Variants in PSMG2 observed in about 807,000 individuals in gnomAD.
The protein encoded by PSMG2 is CD40 ligand-activated specific transcript 3.
A neutral mutation model predicts 31.5 loss-of-function variants in PSMG2; 21 were observed. That is an observed-to-expected ratio of 0.67 (90% CI 0.47 to 0.96). PSMG2 has a LOEUF of 0.96. Ranked by LOEUF, PSMG2 falls within the 40% of genes least tolerant of loss-of-function variation. The pLI is 0.00. For synonymous variants in PSMG2, 120 were observed against 110.4 expected (o/e 1.09, Z -0.54); for missense variants, 318 against 321.2 (o/e 0.99, Z 0.08).
chr18:12,700,830 C>A, upstream of PSMG2: 1 of 641,028 alleles, frequency 1.6e-6, no homozygotes, highest in Non-Finnish European at 2.6e-6. Context: ...AACAAGGACA[C>A]TAGTAAACAG....
At chr18:12,716,101 G>A (rs2040373846) in intron 3 of PSMG2, among the ~76,000 whole-genome samples, 1 of 152,128 alleles carries the variant, frequency 6.6e-6, no homozygotes, top group African/African-American at 2.4e-5. Flanking sequence ...TTTCTCTGTG[G>A]TGTTAAGTTG....
chr18:12,693,454 A>G (rs1008150642), intron 1 of PSMG2, among the ~76,000 whole-genome samples: 1 of 152,030 alleles, frequency 6.6e-6, no homozygotes, highest in Admixed American at 6.6e-5. Context: ...AAAACAAGCT[A>G]CTACCCCAAA....
upstream of PSMG2, chr18:12,698,803 A>C (rs1281129798): frequency 1.7e-6 from 1 of 591,496 alleles, no homozygotes; most frequent in Non-Finnish European, 3.0e-6. Flanking sequence ...AATGAATAGC[A>C]AACAGAATAT....
intron 1 of PSMG2, among the ~76,000 whole-genome samples, chr18:12,681,655 A>G (rs2039353648): frequency 6.6e-6 from 1 of 152,208 alleles, no homozygotes; most frequent in African/African-American, 2.4e-5. Context: ...AATGACTGAT[A>G]GTATCTATAT....
intron 4 of PSMG2, among the ~76,000 whole-genome samples, chr18:12,719,383 G>A (rs953687417): frequency 6.6e-6 from 1 of 152,108 alleles, no homozygotes; most frequent in Non-Finnish European, 1.5e-5. Flanking sequence ...ACTCTAAGAT[G>A]TAGCTTTTAT....
chr18:12,674,865 T>C lies in PSMG2; in HGVS notation c.-37+16092T>C, dbSNP rs1172582618. 4 of 566,048 alleles carry C rather than the reference T, an allele frequency of 7.1e-6. No homozygotes were observed. The East Asian group carries it at 9.1e-5, about 13-fold the overall frequency. The allele number at this position is 566,048 out of a possible 1,614,324, so 35.1% of individuals were successfully genotyped here. A position where few individuals can be genotyped will look rare whatever the true frequency, so the allele number is the denominator to read the frequency against. On this transcript the variant is annotated intron_variant, in intron 1 of 6. Transcript: ENST00000585331. ...ATACCAAGAAAAGATTTTTAAAAGC[T>C]ATCATAATATTTTAATAATAATAAT...
chr18:12,662,072 G>T, intron 1 of PSMG2: 1 of 388,564 alleles, frequency 2.6e-6, no homozygotes. Context: ...TGGAGGTACT[G>T]GCTGTGCTGC....
At chr18:12,705,040 G>GT (rs1168287361) in intron 1 of PSMG2, among the ~76,000 whole-genome samples, 3 of 151,920 alleles carry the variant, frequency 2.0e-5, no homozygotes, top group African/African-American at 7.3e-5. Flanking sequence ...ATGGGAAGAA[G>GT]TTTAGGTAGA....
intron 1 of PSMG2, among the ~76,000 whole-genome samples, chr18:12,669,502 G>A (rs2038885914): frequency 6.6e-6 from 1 of 151,924 alleles, no homozygotes; most frequent in South Asian, 2.1e-4. Context: ...CTTGACTAAT[G>A]AAAAATGAAG....
At chr18:12,677,453 C>A (rs2039179993) in intron 1 of PSMG2, among the ~76,000 whole-genome samples, 2 of 90,068 alleles carry the variant, frequency 2.2e-5, no homozygotes, top group South Asian at 4.2e-4. Flanking sequence ...CGAGAGATTC[C>A]ATCTCAAAAA....
chr18:12,723,793 C>G (rs773164223), intron 5 of PSMG2, among the ~76,000 whole-genome samples: 3 of 152,196 alleles, frequency 2.0e-5, no homozygotes, highest in Admixed American at 2.0e-4. Flanking sequence ...TCCACTACCT[C>G]CTTTCAGCCT....
chr18:12,678,691 G>A (rs757758774), intron 1 of PSMG2, among the ~76,000 whole-genome samples: 2 of 151,952 alleles, frequency 1.3e-5, no homozygotes, highest in Non-Finnish European at 2.9e-5. Context: ...ATCAAAGGCC[G>A]GATGCGGTAG....
intron 5 of PSMG2, among the ~76,000 whole-genome samples, chr18:12,723,735 A>G (rs539563800): frequency 1.4e-4 from 21 of 152,316 alleles, no homozygotes; most frequent in Non-Finnish European, 2.6e-4. Context: ...AAAGTAGCTA[A>G]TACTTCTTTC....
chr18:12,694,310 A>C (rs902543464), intron 1 of PSMG2, among the ~76,000 whole-genome samples: 4 of 152,214 alleles, frequency 2.6e-5, no homozygotes, highest in Non-Finnish European at 4.4e-5. Flanking sequence ...AAAAGGAACA[A>C]TATGACAGGC....
intron 5 of PSMG2, among the ~76,000 whole-genome samples, chr18:12,723,005 G>T (rs1229896569): frequency 2.0e-5 from 3 of 152,230 alleles, no homozygotes; most frequent in Admixed American, 6.5e-5. Context: ...AAGATTGAGA[G>T]CCCCTAAGGT....
rs2039549654 is a variant in PSMG2 at position 12,686,661 on chromosome 18, C to A, written c.-36-19889C>A. On this transcript the variant is annotated intron_variant, in intron 1 of 6. Coordinates refer to the PSMG2 transcript ENST00000585331. The stretch of plus-strand genomic sequence containing the variant: ...CATTTTATAGATGAAAACTGAGGAG[C>A]TACAGCTATTATGCAACAGAGCCAG... The A allele has an allele frequency of 7.4e-6, 3 of 407,008 alleles. No homozygotes were observed. In the East Asian group the frequency reaches 1.5e-4, roughly 20 times the overall value. 25.2% of individuals were successfully genotyped at this position (407,008 alleles called of 1,614,324 possible).
intron 1 of PSMG2, chr18:12,678,085 T>C: frequency 6.4e-7 from 1 of 1,565,170 alleles, no homozygotes; most frequent in Non-Finnish European, 8.8e-7. Context: ...AGTATGAAAC[T>C]ACAACTATTT....
chr18:12,709,944 CTTTTTT>C (rs768131982), intron 2 of PSMG2, among the ~76,000 whole-genome samples: 1 of 132,210 alleles, frequency 7.6e-6, no homozygotes, highest in Non-Finnish European at 1.6e-5. Context: ...CCCTCATAAA[CTTTTTT>C]TTTTTTTTTT....
At chr18:12,687,887 C>A in intron 1 of PSMG2, among the ~76,000 whole-genome samples, 1 of 151,954 alleles carries the variant, frequency 6.6e-6, no homozygotes, top group Non-Finnish European at 1.5e-5. Flanking sequence ...GTCCTGAAAT[C>A]ACAAACTAAA....
Sources: allele counts gnomAD v4.1 joint callset (sites outside exome capture counted in the v4.1 genomes callset), GRCh38; gene constraint gnomAD v4.1.1; transcripts MANE v1.5; gene names NCBI Gene and HGNC (gene_info 2026-07-23, HGNC 2026-07-21).